TMEM64: variants seen among roughly 807,000 people sequenced by gnomAD.
TMEM64 encodes the protein transmembrane protein 64.
A neutral mutation model predicts 24.5 loss-of-function variants in TMEM64; 19 were observed. That is an observed-to-expected ratio of 0.78 (90% CI 0.54 to 1.14). TMEM64 has a LOEUF of 1.14. Ranked by LOEUF, TMEM64 falls within the 50% of genes most tolerant of loss-of-function variation. The pLI, the probability that TMEM64 is intolerant of heterozygous loss-of-function variation, is 0.00. For missense variants in TMEM64, 487 were observed against 493.0 expected, an observed-to-expected ratio of 0.99 and a Z score of 0.12; for synonymous variants, 262 against 224.7, an observed-to-expected ratio of 1.17 and a Z score of -1.49.
In TMEM64 at chr8:90,645,009, CT is replaced by C; in HGVS notation, c.795+101del. The C allele has an allele frequency of 1.6e-6, 2 of 1,288,266 alleles. No homozygotes were observed. The highest frequency in any genetic ancestry group is 2.8e-5 in the South Asian group (2 of 70,278). The allele number at this position is 1,288,266 out of a possible 1,614,324, so 79.8% of individuals were successfully genotyped here. The stretch of plus-strand genomic sequence containing the variant: ...ATCGTAACTCCTGCCGTCAATGTCA[CT>C]TCTCTGCTGGTATTTATCTGATAGA... On this transcript the variant is annotated intron_variant, in intron 1 of 2. Coordinates refer to ENST00000458549, the MANE Select transcript of TMEM64 (RefSeq NM_001008495.4). The surrounding 1 kb of genome is among the most constrained non-coding windows in gnomAD (Gnocchi z 4.2).
Position 90,645,866 on chromosome 8 carries a change from G to C in TMEM64, c.40C>G (p.Arg14Gly). Reference sequence around the variant, plus strand: ...GGGAGGGCGGCGTGCTGCAGCAGCCGGGGCAGCGCCTGGAGCAGGATCCCG... The same window carrying C: ...GGGAGGGCGGCGTGCTGCAGCAGCCCGGGCAGCGCCTGGAGCAGGATCCCG... ...PGGILLQALP[R>G]LLQHAALPGL... The change falls in exon 1 of 3, where the codon CGG (arginine) becomes GGG (glycine). Residue 14 changes from arginine (R) to glycine (G), a missense_variant. This residue lies in a region of TMEM64 where 419 missense variants were observed against 407.5 expected (regional missense o/e 1.03). Coordinates refer to ENST00000458549, the MANE Select transcript of TMEM64 (RefSeq NM_001008495.4). The surrounding 1 kb of genome is among the most constrained non-coding windows in gnomAD (Gnocchi z 4.2). 8.8e-7 allele frequency: 1 copy of C among 1,135,704 alleles called. No homozygotes were observed. Among genetic ancestry groups the C allele is most frequent in the Non-Finnish European group, 1.1e-6 (1 of 926,538 alleles). 70.4% of individuals were successfully genotyped at this position (1,135,704 alleles called of 1,614,324 possible). A position where few individuals can be genotyped will look rare whatever the true frequency, so the allele number is the denominator to read the frequency against.
intron 1 of TMEM64, among the ~76,000 whole-genome samples, chr8:90,637,708 T>C (rs961994864): frequency 4.6e-5 from 7 of 152,146 alleles, no homozygotes; most frequent in Admixed American, 4.6e-4. Context: ...TTCATCTAAT[T>C]AATATTTACT....
chr8:90,643,610 C>T (rs1192585984), intron 1 of TMEM64, among the ~76,000 whole-genome samples: 3 of 152,164 alleles, frequency 2.0e-5, no homozygotes, highest in African/African-American at 7.2e-5. Context: ...AGAAAAGGCC[C>T]AAGGATACAT....
Position 90,645,247 on chromosome 8 carries a change from C to CA in TMEM64, c.658dup (p.Trp220LeufsTer49), listed in dbSNP as rs770202439. 6.2e-7 allele frequency: 1 copy of CA among 1,613,468 alleles called. No individual in the cohort carries two copies. Among genetic ancestry groups the CA allele is most frequent in the South Asian group, 1.1e-5 (1 of 91,008 alleles). On this transcript the variant is annotated frameshift_variant, in exon 1 of 3. Transcript: ENST00000458549. LOFTEE classifies it high-confidence loss of function. The surrounding 1 kb of genome is among the most constrained non-coding windows in gnomAD (Gnocchi z 4.2). ...GCTGCTCTGGATCCTGGCGGCCACC[C>CA]AGGCGGTGAGGAGCCGCTTGCAGAC...
intron 1 of TMEM64, among the ~76,000 whole-genome samples, chr8:90,642,629 T>G (rs958769729): frequency 6.6e-6 from 1 of 152,170 alleles, no homozygotes. Flanking sequence ...CTTTCACATA[T>G]CTTGGCTGAA....
In TMEM64 at chr8:90,631,696, G is replaced by C; in HGVS notation, c.807C>G (p.Leu269=). The C allele has an allele frequency of 6.2e-7, 1 of 1,612,680 alleles. No homozygotes were observed. Among genetic ancestry groups the C allele is most frequent in the Non-Finnish European group, 8.5e-7 (1 of 1,178,932 alleles). ...ATGCCATCAGATAGTTGGGTAATGA[G>C]AGATCAGTAATCTAGAAGAGTAGAT... is the stretch of plus-strand genomic sequence containing the variant. ...LQNAVFSITD[L]SLPNYLMASS... Residue 269 remains leucine, a synonymous_variant, in exon 2 of 3, where the codon CTC becomes CTG. Coordinates refer to ENST00000458549, the MANE Select transcript of TMEM64 (RefSeq NM_001008495.4).
In TMEM64 at chr8:90,645,653, C is replaced by T. The variant is rs1809686442; in HGVS notation, c.253G>A (p.Gly85Ser). 2.6e-6 allele frequency: 4 copies of T among 1,528,992 alleles called. No homozygotes were observed. Among genetic ancestry groups the T allele is most frequent in the African/African-American group, 2.8e-5 (2 of 72,652 alleles). 94.7% of individuals were successfully genotyped at this position (1,528,992 alleles called of 1,614,324 possible). ...CCGGGGCCGCCCGCCAAGGCCCCGCCCGGCTCCGGCAGCTCCGAAGCCTCG... is the reference window on the plus strand; with the variant it reads ...CCGGGGCCGCCCGCCAAGGCCCCGCTCGGCTCCGGCAGCTCCGAAGCCTCG... Reference protein sequence around the residue: ...PPEASELPEPGGALAGGPGSG... With the variant: ...PPEASELPEPSGALAGGPGSG... The change falls in exon 1 of 3, where the codon GGC becomes AGC. Residue 85 changes from glycine (G) to serine (S), a missense_variant. Around this residue, in one of 3 missense-constraint regions of TMEM64, gnomAD observed 419 missense variants for 407.5 expected, o/e 1.03. Transcript: ENST00000458549. The surrounding 1 kb of genome is among the most constrained non-coding windows in gnomAD (Gnocchi z 4.2).
At position 90,645,384 on chromosome 8, in the gene TMEM64, G is replaced by T. The variant is rs891536640; in HGVS notation, c.522C>A (p.Cys174Ter). Residue 174 changes from cysteine to a stop codon, truncating the protein, a stop_gained, in exon 1 of 3, where the codon TGC (cysteine) becomes TGA (stop). Coordinates refer to ENST00000458549, the MANE Select transcript of TMEM64 (RefSeq NM_001008495.4). LOFTEE classifies it high-confidence loss of function. The surrounding 1 kb of genome is among the most constrained non-coding windows in gnomAD (Gnocchi z 4.2). Reference protein sequence around the residue: ...VVGFIVVSFPCGWGYIVLNVA... With the variant: ...VVGFIVVSFP ...CGTTGAGCACGATGTAGCCCCAGCC[G>T]CAGGGGAAAGAGACCACGATGAAGC... 2.6e-6 allele frequency: 4 copies of T among 1,551,738 alleles called. No homozygotes were observed. Among genetic ancestry groups the T allele is most frequent in the African/African-American group, 1.4e-5 (1 of 73,028 alleles).
At chr8:90,644,264 C>T (rs1215940383) in intron 1 of TMEM64, among the ~76,000 whole-genome samples, 1 of 152,202 alleles carries the variant, frequency 6.6e-6, no homozygotes, top group Non-Finnish European at 1.5e-5. Flanking sequence ...TGAAGCCAGA[C>T]AGGGTCAGTA....
chr8:90,631,676 A>G lies in TMEM64; in HGVS notation c.827T>C (p.Met276Thr). The G allele has an allele frequency of 4.3e-6, 7 of 1,613,820 alleles. No homozygotes were observed. The highest frequency in any genetic ancestry group is 5.9e-6 in the Non-Finnish European group (7 of 1,179,734). Reference sequence around the variant, plus strand: ...AGGAAGCAGTCCAACCGAAGATGCCATCAGATAGTTGGGTAATGAGAGATC... The same window carrying G: ...AGGAAGCAGTCCAACCGAAGATGCCGTCAGATAGTTGGGTAATGAGAGATC... The part of the protein sequence containing the change: ...ITDLSLPNYL[M>T]ASSVGLLPTQ... The change falls in exon 2 of 3, where the codon ATG becomes ACG. Residue 276 changes from methionine (M) to threonine (T), a missense_variant. This residue lies in a region of TMEM64 where 419 missense variants were observed against 407.5 expected (regional missense o/e 1.03). Transcript: ENST00000458549.
intron 1 of TMEM64, among the ~76,000 whole-genome samples, chr8:90,632,235 C>T (rs1809450674): frequency 1.3e-5 from 2 of 152,150 alleles, no homozygotes; most frequent in African/African-American, 2.4e-5. Context: ...CAACCTCCAC[C>T]ACCTGGGTTC....
intron 1 of TMEM64, among the ~76,000 whole-genome samples, chr8:90,642,988 T>A (rs1429428686): frequency 6.6e-6 from 1 of 152,224 alleles, no homozygotes; most frequent in Non-Finnish European, 1.5e-5. Context: ...CTTGTCAAGC[T>A]CAGTTTCAAC....
chr8:90,632,939 T>C (rs947012942), intron 1 of TMEM64, among the ~76,000 whole-genome samples: 25 of 152,366 alleles, frequency 1.6e-4, no homozygotes, highest in African/African-American at 4.6e-4. Context: ...TGCTTTATTT[T>C]TTGAATATAT....
At chr8:90,641,483 G>C (rs896290003) in intron 1 of TMEM64, among the ~76,000 whole-genome samples, 2 of 152,186 alleles carry the variant, frequency 1.3e-5, no homozygotes, top group Non-Finnish European at 2.9e-5. Context: ...TAAGTCAACT[G>C]TATAGAACCT....
At chr8:90,631,766 A>G in intron 1 of TMEM64, 59 bp from the exon 2 acceptor site, 2 of 1,473,038 alleles carry the variant, frequency 1.4e-6, no homozygotes, top group Non-Finnish European at 1.9e-6. Context: ...ATTCAACATA[A>G]AAAAATGTGT....
chr8:90,644,847 A>G (rs912668961), intron 1 of TMEM64, among the ~76,000 whole-genome samples: 4 of 152,242 alleles, frequency 2.6e-5, no homozygotes, highest in Non-Finnish European at 5.9e-5. Flanking sequence ...CCTATTGTTA[A>G]GAGGGCTTTT....
In TMEM64 at chr8:90,633,189, G is replaced by A. The variant is rs534262105; in HGVS notation, c.796-1482C>T. ...CACTTCCAAAATTAGGTTACAAAATGAATAGGACTTCCACTTCTTCCTCAA... is the reference window on the plus strand; with the variant it reads ...CACTTCCAAAATTAGGTTACAAAATAAATAGGACTTCCACTTCTTCCTCAA... On this transcript the variant is annotated intron_variant, in intron 1 of 2. Coordinates refer to ENST00000458549, the MANE Select transcript of TMEM64 (RefSeq NM_001008495.4). Among the ~76,000 whole-genome samples the A allele has an allele frequency of 5.9e-5, 9 of 152,292 alleles. No individual in the cohort carries two copies. The South Asian group carries it at 1.9e-3, about 32-fold the overall frequency.
rs1413455862 is a variant in TMEM64 at position 90,645,476 on chromosome 8, G to C, written c.430C>G (p.Leu144Val). 6.4e-7 allele frequency: 1 copy of C among 1,551,410 alleles called. No homozygotes were observed. The highest frequency in any genetic ancestry group is 1.2e-5 in the South Asian group (1 of 84,062). The change falls in exon 1 of 3, where the codon CTT becomes GTT. Residue 144 changes from leucine to valine, a missense_variant. Transcript: ENST00000458549. The surrounding 1 kb of genome is among the most constrained non-coding windows in gnomAD (Gnocchi z 4.2). ...FASLALVRRY[L>V]HHLLLWVESL... ...TCCACCCACAGCAGGAGGTGGTGAA[G>C]GTAGCGGCGGACCAGGGCCAGGGAA...
chr8:90,627,266 G>T (rs532300645), intron 2 of TMEM64, among the ~76,000 whole-genome samples: 65 of 152,192 alleles, frequency 4.3e-4, no homozygotes, highest in African/African-American at 1.5e-3. Flanking sequence ...CTTGGAACTT[G>T]CACAAGGGGG....
Sources: gnomAD v4.1 joint callset for allele counts (sites outside exome capture counted in the v4.1 genomes callset) on GRCh38, gnomAD v4.1.1 for gene constraint, gnomAD v4.1.1 regional missense constraint, Gnocchi (gnomAD v3.1) non-coding constraint, MANE v1.5 for transcripts, NCBI Gene and HGNC (gene_info 2026-07-23, HGNC 2026-07-21) for gene names.